KCNG4: variants seen among roughly 807,000 people sequenced by gnomAD.
KCNG4 encodes voltage-gated potassium channel regulatory subunit KCNG4.
A neutral mutation model predicts 28.2 loss-of-function variants in KCNG4; 30 were observed. The ratio of observed to expected loss-of-function variants is 1.06; its 90% CI spans 0.80 to 1.44. The LOEUF (loss-of-function observed/expected upper bound fraction) is 1.44, where lower values mean the gene tolerates loss of function less well. KCNG4 is among the 40% of genes most tolerant of loss of function. The pLI, the probability that KCNG4 is intolerant of heterozygous loss-of-function variation, is 0.00. For synonymous variants in KCNG4, 375 were observed against 315.5 expected (o/e 1.19, Z -2.00); for missense variants, 879 against 712.3 (o/e 1.23, Z -2.66).
chr16:84,232,642 A>G (rs1229890590), intron 2 of KCNG4, among the ~76,000 whole-genome samples: 1 of 152,128 alleles, frequency 6.6e-6, no homozygotes, highest in Non-Finnish European at 1.5e-5. Flanking sequence ...ACTCACGCCT[A>G]TAATCCCAAC....
intron 2 of KCNG4, among the ~76,000 whole-genome samples, chr16:84,234,582 G>T (rs565370502): frequency 6.6e-6 from 1 of 152,344 alleles, no homozygotes; most frequent in South Asian, 2.1e-4. Context: ...ACTGCTTACA[G>T]CAAATGTCCA....
rs759093264 is a variant in KCNG4 at position 84,222,723 on chromosome 16, G to A, written c.1054C>T (p.Arg352Cys). 75 of 1,612,794 alleles carry A rather than the reference G, an allele frequency of 4.7e-5. No homozygotes were observed. Among genetic ancestry groups the A allele is most frequent in the Non-Finnish European group, 5.1e-5 (60 of 1,179,608 alleles). ...LRILYVMRLA[R>C]HSLGLQTLGL... is the part of the protein sequence containing the mutation. ...AGCGTCTGCAGCCCCAGCGAGTGGC[G>A]AGCCAGGCGCATCACGTAGAGGATG... The change falls in exon 3 of 3, where the codon CGC becomes TGC. Residue 352 changes from arginine to cysteine, a missense_variant. Transcript: ENST00000308251.
rs1904582405 is a variant in KCNG4 at position 84,222,266 on chromosome 16, A to G, written c.1511T>C (p.Val504Ala). ...TGGGCCCTCCAGGATTAGGTCATTGACATCGTTCATGAGCTCATGTTCACT... is the reference window on the plus strand; with the variant it reads ...TGGGCCCTCCAGGATTAGGTCATTGGCATCGTTCATGAGCTCATGTTCACT... ...VASEHELMND[V>A]NDLILEGPAL... The change falls in exon 3 of 3, where the codon GTC (valine) becomes GCC (alanine). Residue 504 changes from valine (V) to alanine (A), a missense_variant. Physicochemically the swap from Val to Ala is moderately conservative, Grantham distance 64 (BLOSUM62 0). Transcript: ENST00000308251. 9 of 1,614,042 alleles carry G rather than the reference A, an allele frequency of 5.6e-6. No homozygotes were observed. The highest frequency in any genetic ancestry group is 7.6e-6 in the Non-Finnish European group (9 of 1,180,030).
At position 84,237,040 on chromosome 16, in the gene KCNG4, T is replaced by C. The variant is rs751517337; in HGVS notation, c.446A>G (p.Tyr149Cys). The change falls in exon 2 of 3, where the codon TAC (tyrosine) becomes TGC (cysteine). Residue 149 changes from tyrosine to cysteine, a missense_variant. Physicochemically the swap from Tyr to Cys is radical, Grantham distance 194. Coordinates refer to ENST00000308251, the MANE Select transcript of KCNG4 (RefSeq NM_172347.3). ...CAGGTGGGCCTCCTCGATGCCCCAGTAGGCCAGCTCCTCCTGGAAGGACAG... is the reference window on the plus strand; with the variant it reads ...CAGGTGGGCCTCCTCGATGCCCCAGCAGGCCAGCTCCTCCTGGAAGGACAG... ...CALSFQEELA[Y>C]WGIEEAHLER... 18 of 1,613,972 alleles carry C rather than the reference T, an allele frequency of 1.1e-5. No homozygotes were observed. Among genetic ancestry groups the C allele is most frequent in the South Asian group, 3.3e-5 (3 of 91,072 alleles).
At position 84,223,575 on chromosome 16, in the gene KCNG4, C is replaced by T. The variant is rs78809514; in HGVS notation, c.757-555G>A. 4.4e-4 allele frequency among the ~76,000 whole-genome samples: 67 copies of T among 152,286 alleles called. No individual in the cohort carries two copies. In the East Asian group the frequency reaches 7.5e-3, roughly 17 times the overall value. ...TGATGTTAAGTACCTTGGGGGACCA[C>T]GCACTGCTCTCCTGCTGTCACTCAA... On this transcript the variant is annotated intron_variant, in intron 2 of 2. Transcript: ENST00000308251.
chr16:84,232,628 A>C (rs1904852548), intron 2 of KCNG4, among the ~76,000 whole-genome samples: 1 of 152,152 alleles, frequency 6.6e-6, no homozygotes, highest in Non-Finnish European at 1.5e-5. Context: ...GCTGGGGTGC[A>C]GTGACTCACG....
At chr16:84,231,801 C>T (rs138569491) in intron 2 of KCNG4, among the ~76,000 whole-genome samples, 7 of 152,022 alleles carry the variant, frequency 4.6e-5, no homozygotes, top group African/African-American at 2.4e-5. Flanking sequence ...GTCAGGAGTT[C>T]GAGACCAGAC....
rs370998317 is a variant in KCNG4 at position 84,222,871 on chromosome 16, G to A, written c.906C>T (p.Ala302=). Residue 302 remains alanine, a synonymous_variant, in exon 3 of 3, where the codon GCC becomes GCT. Coordinates refer to ENST00000308251, the MANE Select transcript of KCNG4 (RefSeq NM_172347.3). ...CCAGCGACACGTAGTATGGGGAGAT[G>A]GCCAGGATGTCGATGATGTTCAGGG... ...QGPLNIIDIL[A]ISPYYVSLAV... 9.9e-6 allele frequency: 16 copies of A among 1,612,276 alleles called. No homozygotes were observed. The highest frequency in any genetic ancestry group is 8.3e-5 in the Admixed American group (5 of 59,898).
rs1265498038 is a variant in KCNG4 at position 84,221,236 on chromosome 16, C to T, written c.*981G>A. ...TCTGGGAAGCCAGCAAGGGACAGCACCTACAATTCCCCTTGTTTCTGTGCC... is the reference window on the plus strand; with the variant it reads ...TCTGGGAAGCCAGCAAGGGACAGCATCTACAATTCCCCTTGTTTCTGTGCC... On this transcript the variant is annotated 3_prime_UTR_variant, in exon 3 of 3. Transcript: ENST00000308251. 6.6e-6 allele frequency: 1 copy of T among 152,256 alleles called. No individual in the cohort carries two copies. Among genetic ancestry groups the T allele is most frequent in the Non-Finnish European group, 1.5e-5 (1 of 68,088 alleles). 9.4% of individuals were successfully genotyped at this position (152,256 alleles called of 1,614,324 possible).
intron 2 of KCNG4, among the ~76,000 whole-genome samples, chr16:84,233,186 G>C (rs11648460): frequency 0.34 from 51,530 of 152,074 alleles, 9,062 homozygotes; most frequent in South Asian, 0.39. Flanking sequence ...GAAGTGCTTA[G>C]AGCACCCCCA....
At chr16:84,229,919 C>G (rs1904786628) in intron 2 of KCNG4, among the ~76,000 whole-genome samples, 1 of 152,188 alleles carries the variant, frequency 6.6e-6, no homozygotes, top group African/African-American at 2.4e-5. Context: ...CAGAGAAGCT[C>G]CAGAGAGCAG....
At position 84,222,756 on chromosome 16, in the gene KCNG4, C is replaced by T; in HGVS notation, c.1021G>A (p.Ala341Thr). 1 of 1,612,320 alleles carries T rather than the reference C, an allele frequency of 6.2e-7. No homozygotes were observed. The highest frequency in any genetic ancestry group is 8.5e-7 in the Non-Finnish European group (1 of 1,179,228). Residue 341 changes from alanine (A) to threonine (T), a missense_variant, in exon 3 of 3, where the codon GCG becomes ACG. Coordinates refer to ENST00000308251, the MANE Select transcript of KCNG4 (RefSeq NM_172347.3). ...CGCATCACGTAGAGGATGCGCAGCG[C>T]TCGCAGCACACGCAGGACCAGCCCC... ...KVGLVLRVLRALRILYVMRLA... is the reference protein window; with the variant it reads ...KVGLVLRVLRTLRILYVMRLA...
rs1258551148 is a variant in KCNG4 at position 84,219,668 on chromosome 16, A to G, written c.*2549T>C. 2 of 146,740 alleles carry G rather than the reference A, an allele frequency of 1.4e-5. No homozygotes were observed. Among genetic ancestry groups the G allele is most frequent in the Non-Finnish European group, 3.0e-5 (2 of 67,318 alleles). The allele number at this position is 146,740 out of a possible 1,614,324, so 9.1% of individuals were successfully genotyped here. A position where few individuals can be genotyped will look rare whatever the true frequency, so the allele number is the denominator to read the frequency against. ...CGTGAACCTGGGAGGCGGAGCTTGC[A>G]GTGAGCCGAGATTGAGCCACTGCAC... On this transcript the variant is annotated 3_prime_UTR_variant, in exon 3 of 3. Transcript: ENST00000308251.
Position 84,222,318 on chromosome 16 carries a change from A to G in KCNG4, c.1459T>C (p.Cys487Arg), listed in dbSNP as rs1404118547. 19 of 1,614,168 alleles carry G rather than the reference A, an allele frequency of 1.2e-5. No individual in the cohort carries two copies. In the East Asian group the frequency reaches 3.3e-4, roughly 28 times the overall value. Residue 487 changes from cysteine (C) to arginine (R), a missense_variant, in exon 3 of 3, where the codon TGT becomes CGT. Coordinates refer to ENST00000308251, the MANE Select transcript of KCNG4 (RefSeq NM_172347.3). ...HLQNTGPASE[C>R]ELLDPHVASE... ...GCCACATGGGGGTCCAGGAGTTCAC[A>G]TTCACTGGCTGGACCGGTGTTTTGG...
At position 84,222,300 on chromosome 16, in the gene KCNG4, G is replaced by A; in HGVS notation, c.1477C>T (p.His493Tyr). 1 of 1,614,184 alleles carries A rather than the reference G, an allele frequency of 6.2e-7. No individual in the cohort carries two copies. The highest frequency in any genetic ancestry group is 8.5e-7 in the Non-Finnish European group (1 of 1,180,020). Reference sequence around the variant, plus strand: ...ATGAGCTCATGTTCACTGGCCACATGGGGGTCCAGGAGTTCACATTCACTG... The same window carrying A: ...ATGAGCTCATGTTCACTGGCCACATAGGGGTCCAGGAGTTCACATTCACTG... ...PASECELLDP[H>Y]VASEHELMND... is the part of the protein sequence containing the mutation. The change falls in exon 3 of 3, where the codon CAT (histidine) becomes TAT (tyrosine). Residue 493 changes from histidine (H) to tyrosine (Y), a missense_variant. Physicochemically the swap from His to Tyr is moderately conservative, Grantham distance 83 (BLOSUM62 2). Coordinates refer to ENST00000308251, the MANE Select transcript of KCNG4 (RefSeq NM_172347.3).
At chr16:84,231,486 G>A (rs1904827498) in intron 2 of KCNG4, among the ~76,000 whole-genome samples, 1 of 152,286 alleles carries the variant, frequency 6.6e-6, no homozygotes, top group East Asian at 1.9e-4. Flanking sequence ...CATGGAGAGG[G>A]TGCGAGGGAT....
chr16:84,224,413 C>CACACACACACAT (rs1555536159), intron 2 of KCNG4, among the ~76,000 whole-genome samples: 15 of 140,586 alleles, frequency 1.1e-4, no homozygotes, highest in East Asian at 2.0e-4. Flanking sequence ...TACACACACA[C>CACACACACACAT]ACACACACAC....
rs141435784 is a variant in KCNG4 at position 84,237,270 on chromosome 16, G to C, written c.216C>G (p.Leu72=). 6.2e-7 allele frequency: 1 copy of C among 1,611,762 alleles called. No homozygotes were observed. Among genetic ancestry groups the C allele is most frequent in the African/African-American group, 1.3e-5 (1 of 74,990 alleles). The part of the protein sequence containing the change: ...LINVGGRRYL[L]PWSTLDRFPL... ...GGAACCGGTCCAGTGTGCTCCAGGG[G>C]AGGAGATACCTCCTGCCCCCCACGT... is the stretch of plus-strand genomic sequence containing the variant. Residue 72 remains leucine (L), a synonymous_variant, in exon 2 of 3, where the codon CTC becomes CTG. Transcript: ENST00000308251.
Position 84,222,019 on chromosome 16 carries a change from A to C in KCNG4, c.*198T>G. The C allele has an allele frequency of 1.6e-6, 1 of 611,728 alleles. No homozygotes were observed. 37.9% of individuals were successfully genotyped at this position (611,728 alleles called of 1,614,324 possible). A position where few individuals can be genotyped will look rare whatever the true frequency, so the allele number is the denominator to read the frequency against. On this transcript the variant is annotated 3_prime_UTR_variant, in exon 3 of 3. Transcript: ENST00000308251. ...AGAGGAAAAGGCAAGCAGGCTGGAC[A>C]CAGTCAGCCTGGGACATCGGGGCCC...
Sources: allele counts gnomAD v4.1 joint callset (sites outside exome capture counted in the v4.1 genomes callset), GRCh38; gene constraint gnomAD v4.1.1; transcripts MANE v1.5; gene names NCBI Gene and HGNC (gene_info 2026-07-23, HGNC 2026-07-21).